DNAJB14: variants seen among roughly 807,000 people sequenced by gnomAD.
DNAJB14 encodes DnaJ heat shock protein family (Hsp40) member B14.
Under a neutral mutation model 48.4 loss-of-function variants are expected in DNAJB14, and 22 were observed. The observed-to-expected ratio is 0.45, with a 90% CI of 0.32 to 0.65. The LOEUF is 0.65. Among genes scored for constraint, DNAJB14 ranks in the 30% least tolerant of loss-of-function variants. DNAJB14 has a pLI of 0.03. For synonymous variants in DNAJB14, 142 were observed against 158.7 expected (o/e 0.89, Z 0.79); for missense variants, 319 against 458.8 (o/e 0.70, Z 2.78).
chr4:99,921,524 T>A (rs943453814), intron 3 of DNAJB14, among the ~76,000 whole-genome samples: 1 of 152,224 alleles, frequency 6.6e-6, no homozygotes, highest in Non-Finnish European at 1.5e-5. Flanking sequence ...AGAAATAGTT[T>A]AATGTTCTTA....
At chr4:99,933,832 C>T (rs1203084908) in intron 1 of DNAJB14, among the ~76,000 whole-genome samples, 2 of 152,116 alleles carry the variant, frequency 1.3e-5, no homozygotes, top group Non-Finnish European at 2.9e-5. Flanking sequence ...CCAACTGCCA[C>T]AAGATCTGTG....
At chr4:99,915,216 C>T (rs1187742472) in intron 3 of DNAJB14, among the ~76,000 whole-genome samples, 7 of 152,188 alleles carry the variant, frequency 4.6e-5, no homozygotes, top group South Asian at 4.1e-4. Flanking sequence ...TAGTTCACTG[C>T]GAGCTCCGCC....
At chr4:99,946,060 AT>A (rs1727056467) in intron 1 of DNAJB14, among the ~76,000 whole-genome samples, 1 of 152,246 alleles carries the variant, frequency 6.6e-6, no homozygotes, top group Non-Finnish European at 1.5e-5. Flanking sequence ...CCTAGGCCTT[AT>A]GTAGGACTGA....
At position 99,909,087 on chromosome 4, in the gene DNAJB14, C is replaced by A. The variant is rs149724363; in HGVS notation, c.452-191G>T. The stretch of plus-strand genomic sequence containing the variant: ...TTATCTCTCAACACAACTTTTTATA[C>A]CAGACAAGTCTCTCTACTGCCTTGA... On this transcript the variant is annotated intron_variant, in intron 3 of 7. Transcript: ENST00000442697. Among the ~76,000 whole-genome samples, 610 of 152,130 alleles carry A rather than the reference C, an allele frequency of 4.0e-3. 1 individual carries two copies. The highest frequency in any genetic ancestry group is 0.014 in the African/African-American group (580 of 41,528).
At position 99,900,531 on chromosome 4, in the gene DNAJB14, T is replaced by C. The variant is rs939682837; in HGVS notation, c.*497A>G. The C allele has an allele frequency of 6.6e-6, 1 of 152,326 alleles. No homozygotes were observed. The highest frequency in any genetic ancestry group is 1.5e-5 in the Non-Finnish European group (1 of 67,988). 9.4% of individuals were successfully genotyped at this position (152,326 alleles called of 1,614,324 possible). A position where few individuals can be genotyped will look rare whatever the true frequency, so the allele number is the denominator to read the frequency against. On this transcript the variant is annotated 3_prime_UTR_variant, in exon 8 of 8. Coordinates refer to ENST00000442697, the MANE Select transcript of DNAJB14 (RefSeq NM_001031723.4). Reference sequence around the variant, plus strand: ...TTTTGTTTTTTCTTTTTGAAAAAGTTTCATTGTTTAAAGTCCACATATTTG... The same window carrying C: ...TTTTGTTTTTTCTTTTTGAAAAAGTCTCATTGTTTAAAGTCCACATATTTG...
chr4:99,907,095 C>T (rs1197792974), intron 4 of DNAJB14, among the ~76,000 whole-genome samples: 4 of 152,092 alleles, frequency 2.6e-5, no homozygotes, highest in African/African-American at 9.7e-5. Context: ...GATAAACATT[C>T]AAGTTGTTTT....
chr4:99,934,782 ACTGTCTC>A, intron 1 of DNAJB14, among the ~76,000 whole-genome samples: 1 of 120,390 alleles, frequency 8.3e-6, no homozygotes. Flanking sequence ...ACAGAGCAAG[ACTGTCTC>A]AAAAAAAAAA....
At position 99,905,596 on chromosome 4, in the gene DNAJB14, C is replaced by CGAT; in HGVS notation, c.840_842dup (p.Ser281dup). 1 of 1,601,270 alleles carries CGAT rather than the reference C, an allele frequency of 6.2e-7. No homozygotes were observed. The highest frequency in any genetic ancestry group is 8.5e-7 in the Non-Finnish European group (1 of 1,172,734). ...TTGTAAAACTTCACTTGGCTACTTA[C>CGAT]GATCTGGGATATAAGGAATAAGGAG... is the stretch of plus-strand genomic sequence containing the variant. On this transcript the variant is annotated inframe_insertion and splice_region_variant. Transcript: ENST00000442697.
chr4:99,941,880 AT>A (rs1021112758), intron 1 of DNAJB14, among the ~76,000 whole-genome samples: 1 of 152,114 alleles, frequency 6.6e-6, no homozygotes, highest in Non-Finnish European at 1.5e-5. Context: ...TTTGGAAATC[AT>A]TTTTGTAACA....
At chr4:99,923,653 GT>G in intron 2 of DNAJB14, 1 of 985,066 alleles carries the variant, frequency 1.0e-6, no homozygotes, top group Non-Finnish European at 1.2e-6. Flanking sequence ...CAAAGCAACA[GT>G]TTAGTACACG....
chr4:99,899,900 A>G lies in DNAJB14; in HGVS notation c.*1128T>C, dbSNP rs753773534. ...AATGGTAAATAGATTTTAGCTCAGA[A>G]TTTTTAAAGGATGACTTGCTTTAAG... On this transcript the variant is annotated 3_prime_UTR_variant, in exon 8 of 8. Transcript: ENST00000442697. 4 of 152,272 alleles carry G rather than the reference A, an allele frequency of 2.6e-5. No individual in the cohort carries two copies. Among genetic ancestry groups the G allele is most frequent in the Admixed American group, 6.6e-5 (1 of 15,226 alleles). 9.4% of individuals were successfully genotyped at this position (152,272 alleles called of 1,614,324 possible).
At chr4:99,909,027 C>G (rs1578215246) in intron 3 of DNAJB14, 131 bp from the exon 4 acceptor site, 1 of 560,992 alleles carries the variant, frequency 1.8e-6, no homozygotes, top group African/African-American at 2.0e-5. Context: ...AAAATAAGTT[C>G]TTTTAAAGAT....
At position 99,935,960 on chromosome 4, in the gene DNAJB14, C is replaced by T. The variant is rs141230328; in HGVS notation, c.134-5339G>A. On this transcript the variant is annotated intron_variant, in intron 1 of 7. Transcript: ENST00000442697. ...GCATGCACCTGTAGTCCCAGCTACT[C>T]GGGAGGCTGAGACAGGAGAATCACT... is the stretch of plus-strand genomic sequence containing the variant. Among the ~76,000 whole-genome samples, 290 of 152,184 alleles carry T rather than the reference C, an allele frequency of 1.9e-3. 8 individuals carry two copies. In the East Asian group the frequency reaches 0.044, roughly 23 times the overall value.
intron 3 of DNAJB14, among the ~76,000 whole-genome samples, chr4:99,915,857 T>G (rs1454534963): frequency 3.9e-5 from 6 of 152,238 alleles, no homozygotes. Flanking sequence ...TGTGACTTTG[T>G]CTATTTCTTC....
intron 2 of DNAJB14, chr4:99,928,046 G>C (rs1468052738): frequency 6.6e-6 from 1 of 150,560 alleles, no homozygotes; most frequent in African/African-American, 2.4e-5. Flanking sequence ...GTCCCCAAAA[G>C]AAAAAAAAAT....
Position 99,896,451 on chromosome 4 carries a change from A to G in DNAJB14, c.*4577T>C, listed in dbSNP as rs1387538737. The G allele has an allele frequency of 6.6e-6, 1 of 152,210 alleles. No individual in the cohort carries two copies. The highest frequency in any genetic ancestry group is 1.5e-5 in the Non-Finnish European group (1 of 68,020). The allele number at this position is 152,210 out of a possible 1,614,324, so 9.4% of individuals were successfully genotyped here. A position where few individuals can be genotyped will look rare whatever the true frequency, so the allele number is the denominator to read the frequency against. On this transcript the variant is annotated 3_prime_UTR_variant, in exon 8 of 8. Coordinates refer to ENST00000442697, the MANE Select transcript of DNAJB14 (RefSeq NM_001031723.4). ...TTTGAAATCTAATTTTTAATCCTGA[A>G]TGCATTATAGACAAAGTAAGCTCTC...
intron 1 of DNAJB14, among the ~76,000 whole-genome samples, chr4:99,934,664 G>A (rs765011842): frequency 6.6e-6 from 1 of 150,886 alleles, no homozygotes; most frequent in Non-Finnish European, 1.5e-5. Flanking sequence ...GTGATGACCA[G>A]TGCCTGTAAT....
intron 3 of DNAJB14, among the ~76,000 whole-genome samples, chr4:99,920,413 A>G (rs1726012475): frequency 6.6e-6 from 1 of 152,184 alleles, no homozygotes; most frequent in African/African-American, 2.4e-5. Context: ...CTTGTCAAGC[A>G]AACACATAAA....
chr4:99,943,417 A>T (rs966582725), intron 1 of DNAJB14, among the ~76,000 whole-genome samples: 1 of 152,132 alleles, frequency 6.6e-6, no homozygotes, highest in Non-Finnish European at 1.5e-5. Flanking sequence ...CTTTTAGGAG[A>T]TTTATTCAAA....
Sources: allele counts gnomAD v4.1 joint callset (sites outside exome capture counted in the v4.1 genomes callset), GRCh38; gene constraint gnomAD v4.1.1; transcripts MANE v1.5; gene names NCBI Gene and HGNC (gene_info 2026-07-23, HGNC 2026-07-21).